FNDC3B: variants seen among roughly 807,000 people sequenced by gnomAD.
FNDC3B encodes the protein fibronectin type III domain-containing protein 3B.
Under a neutral mutation model 151.5 loss-of-function variants are expected in FNDC3B, and 12 were observed. The ratio of observed to expected loss-of-function variants is 0.08; its 90% CI spans 0.05 to 0.13. The LOEUF (loss-of-function observed/expected upper bound fraction) is 0.13. Among genes scored for constraint, FNDC3B ranks in the 10% least tolerant of loss-of-function variants. The pLI is 1.00. For synonymous variants in FNDC3B, 528 were observed against 549.0 expected (o/e 0.96, Z 0.54); for missense variants, 1,214 against 1,505.3 (o/e 0.81, Z 3.20).
In FNDC3B at chr3:172,344,223, T is replaced by A. The variant is rs767926597; in HGVS notation, c.2215T>A (p.Tyr739Asn). The A allele has an allele frequency of 6.2e-7, 1 of 1,614,034 alleles. No homozygotes were observed. The part of the protein sequence containing the change: ...TVGNLLPGTV[Y>N]RFRVRALNDG... ...CGGCAACCTGCTTCCTGGAACCGTGTATCGCTTCCGGGTGAGGGCTCTGAA... is the reference window on the plus strand; with the variant it reads ...CGGCAACCTGCTTCCTGGAACCGTGAATCGCTTCCGGGTGAGGGCTCTGAA... Residue 739 changes from tyrosine to asparagine, a missense_variant, in exon 19 of 26, where the codon TAT becomes AAT. Coordinates refer to ENST00000415807, the MANE Select transcript of FNDC3B (RefSeq NM_022763.4).
intron 4 of FNDC3B, among the ~76,000 whole-genome samples, chr3:172,244,794 T>G (rs914023244): frequency 6.6e-6 from 1 of 151,978 alleles, no homozygotes; most frequent in Non-Finnish European, 1.5e-5. Context: ...CCTGCTAATT[T>G]TTTGTATTTT....
At chr3:172,289,223 G>C (rs564640139) in intron 7 of FNDC3B, among the ~76,000 whole-genome samples, 2 of 152,206 alleles carry the variant, frequency 1.3e-5, no homozygotes, top group East Asian at 3.9e-4. Flanking sequence ...CCTTGGCTTT[G>C]TCTGCAAAGT....
intron 6 of FNDC3B, among the ~76,000 whole-genome samples, chr3:172,276,808 G>C (rs1172159750): frequency 1.3e-5 from 2 of 152,162 alleles, no homozygotes; most frequent in African/African-American, 2.4e-5. Flanking sequence ...TGGCCTGACT[G>C]CTCCAAAAAT....
intron 3 of FNDC3B, among the ~76,000 whole-genome samples, chr3:172,160,664 C>G (rs1698704786): frequency 1.3e-5 from 2 of 152,160 alleles, no homozygotes; most frequent in Admixed American, 1.3e-4. Flanking sequence ...ATAGAATAAT[C>G]TATACGTATT....
At chr3:172,243,031 C>T (rs761482208) in intron 4 of FNDC3B, among the ~76,000 whole-genome samples, 8 of 152,156 alleles carry the variant, frequency 5.3e-5, no homozygotes, top group Non-Finnish European at 7.4e-5. Context: ...AGACAGAATG[C>T]TGCCACTCCC....
rs1718388960 is a variant in FNDC3B, at chr3:172,083,540, T to C, written c.-28-28912T>C. Among the ~76,000 whole-genome samples the C allele has an allele frequency of 2.0e-5, 3 of 152,252 alleles. 1 individual carries two copies. Among genetic ancestry groups the C allele is most frequent in the Admixed American group, 2.0e-4 (3 of 15,286 alleles). On this transcript the variant is annotated intron_variant, in intron 1 of 25. Transcript: ENST00000415807. The stretch of plus-strand genomic sequence containing the variant: ...CAAAATGGCAGGATATGTAGAAGCA[T>C]GAGAGACCTATGGAGGGGTGTCTCA...
intron 11 of FNDC3B, among the ~76,000 whole-genome samples, chr3:172,328,638 G>A (rs946389944): frequency 2.0e-5 from 3 of 152,136 alleles, no homozygotes; most frequent in Admixed American, 1.3e-4. Context: ...AATTGTGATC[G>A]TTAACTGGAG....
intron 11 of FNDC3B, 75 bp from the exon 12 acceptor site, chr3:172,328,877 C>A (rs994875942): frequency 5.0e-5 from 59 of 1,172,932 alleles, no homozygotes; most frequent in Non-Finnish European, 6.9e-5. Context: ...GTTCAAGATG[C>A]TCCTTCATTT....
chr3:172,105,808 C>T (rs1719617935), intron 1 of FNDC3B, among the ~76,000 whole-genome samples: 1 of 152,098 alleles, frequency 6.6e-6, no homozygotes, highest in Non-Finnish European at 1.5e-5. Flanking sequence ...TATAGATTCT[C>T]ACTATTAGAG....
At chr3:172,393,717 A>G (rs868855109) in intron 25 of FNDC3B, among the ~76,000 whole-genome samples, 1 of 152,250 alleles carries the variant, frequency 6.6e-6, no homozygotes, top group South Asian at 2.1e-4. Context: ...AATACATGGA[A>G]ATAAAAAACA....
In FNDC3B at chr3:172,297,006, A is replaced by G. The variant is rs373789082; in HGVS notation, c.1001+1492A>G. Among the ~76,000 whole-genome samples, 7 of 152,280 alleles carry G rather than the reference A, an allele frequency of 4.6e-5. No individual in the cohort carries two copies. The East Asian group carries it at 7.7e-4, about 17-fold the overall frequency. On this transcript the variant is annotated intron_variant, in intron 8 of 25. Transcript: ENST00000415807. ...GAGCTAGAGGCTCACGTGCCCAGAGAGGCTCAGCAGGTAACATACATGAGC... is the reference window on the plus strand; with the variant it reads ...GAGCTAGAGGCTCACGTGCCCAGAGGGGCTCAGCAGGTAACATACATGAGC...
intron 3 of FNDC3B, among the ~76,000 whole-genome samples, chr3:172,134,105 T>C (rs1721244204): frequency 6.6e-6 from 1 of 152,320 alleles, no homozygotes; most frequent in South Asian, 2.1e-4. Flanking sequence ...AAATGCCCCG[T>C]CCCAAGATCT....
At chr3:172,059,860 GAGGGC>G (rs1717104817) in intron 1 of FNDC3B, among the ~76,000 whole-genome samples, 1 of 152,158 alleles carries the variant, frequency 6.6e-6, no homozygotes, top group Non-Finnish European at 1.5e-5. Flanking sequence ...TAGGTAAATA[GAGGGC>G]ATGTATTACT....
intron 6 of FNDC3B, among the ~76,000 whole-genome samples, chr3:172,270,827 A>G (rs1170694778): frequency 6.6e-6 from 1 of 152,238 alleles, no homozygotes; most frequent in Non-Finnish European, 1.5e-5. Flanking sequence ...AAAAAATTTC[A>G]TTTTATAAGA....
At chr3:172,267,645 C>T (rs16845242) in intron 6 of FNDC3B, among the ~76,000 whole-genome samples, 19,696 of 152,002 alleles carry the variant, frequency 0.13, 1,375 homozygotes, top group Middle Eastern at 0.19. Context: ...AAATGATGAC[C>T]GGAGCTCATG....
In FNDC3B at chr3:172,401,205, C is replaced by A. The variant is rs1285080; in HGVS notation, c.*3730C>A. 0.89 allele frequency: 134,847 copies of A among 152,262 alleles called. 59,884 individuals are homozygous for A. The highest frequency in any genetic ancestry group is 1 in the East Asian group (5,172 of 5,180). The allele number at this position is 152,262 out of a possible 1,614,324, so 9.4% of individuals were successfully genotyped here. On this transcript the variant is annotated 3_prime_UTR_variant, in exon 26 of 26. Coordinates refer to ENST00000415807, the MANE Select transcript of FNDC3B (RefSeq NM_022763.4). ...AGTGCTGGGATTACAGGTGTGAGCCCCCGCACCCAGCCTTATTCTTCCCTT... is the reference window on the plus strand; with the variant it reads ...AGTGCTGGGATTACAGGTGTGAGCCACCGCACCCAGCCTTATTCTTCCCTT...
intron 23 of FNDC3B, among the ~76,000 whole-genome samples, chr3:172,372,374 G>A (rs1263833179): frequency 2.0e-5 from 3 of 152,086 alleles, no homozygotes; most frequent in Non-Finnish European, 4.4e-5. Context: ...GTACCATAAG[G>A]GTTGCCTGTA....
chr3:172,090,157 C>T (rs1291090430), intron 1 of FNDC3B, among the ~76,000 whole-genome samples: 1 of 152,194 alleles, frequency 6.6e-6, no homozygotes, highest in Non-Finnish European at 1.5e-5. Context: ...TTCTCTACAA[C>T]TCGTCCAACT....
intron 1 of FNDC3B, among the ~76,000 whole-genome samples, chr3:172,051,387 T>A (rs1307650850): frequency 1.3e-5 from 2 of 152,220 alleles, no homozygotes; most frequent in Non-Finnish European, 2.9e-5. Context: ...TTGTCTCCCT[T>A]ATTTGTGAGT....
Sources: gnomAD v4.1 joint callset for allele counts (sites outside exome capture counted in the v4.1 genomes callset) on GRCh38, gnomAD v4.1.1 for gene constraint, MANE v1.5 for transcripts, NCBI Gene and HGNC (gene_info 2026-07-23, HGNC 2026-07-21) for gene names.